Variants in SLC6A16 observed in about 807,000 individuals in gnomAD.
The protein encoded by SLC6A16 is solute carrier family 6 member 16.
A neutral mutation model predicts 65.4 loss-of-function variants in SLC6A16; 54 were observed. That is an observed-to-expected ratio of 0.83 (90% CI 0.66 to 1.04). The LOEUF is 1.04. Among genes scored for constraint, SLC6A16 ranks in the 50% least tolerant of loss-of-function variants. The pLI, the probability that SLC6A16 is intolerant of heterozygous loss-of-function variation, is 0.00. For missense variants in SLC6A16, 816 were observed against 914.0 expected, an observed-to-expected ratio of 0.89 and a Z score of 1.38; for synonymous variants, 330 against 346.5, an observed-to-expected ratio of 0.95 and a Z score of 0.53.
chr19:49,290,864 G>T, intron 10 of SLC6A16, 97 bp from the exon 11 acceptor site: 1 of 988,610 alleles, frequency 1.0e-6, no homozygotes, highest in Non-Finnish European at 1.5e-6. Context: ...ACATTCTATT[G>T]TATCTCTAAT....
rs764508199 is a variant in SLC6A16 at position 49,310,923 on chromosome 19, C to T, written c.415+10G>A. 2 of 1,603,172 alleles carry T rather than the reference C, an allele frequency of 1.2e-6. No homozygotes were observed. Among genetic ancestry groups the T allele is most frequent in the East Asian group, 2.2e-5 (1 of 44,822 alleles). ...CTTGTGGACCCAGGTTTCCTGGTCC[C>T]CAGACTTACAGCCTCCACTGTTAAG... On this transcript the variant is annotated intron_variant, in intron 2 of 11. Transcript: ENST00000335875.
At position 49,310,648 on chromosome 19, in the gene SLC6A16, C is replaced by T. The variant is rs1970501720; in HGVS notation, c.416-138G>A. ...CATCAGGGCTCACCCATGTCTACAT[C>T]CCTCACGGTCCCAAGTGTCCAGTCC... On this transcript the variant is annotated intron_variant, in intron 2 of 11. Coordinates refer to ENST00000335875, the MANE Select transcript of SLC6A16 (RefSeq NM_014037.3). 2.1e-5 allele frequency: 19 copies of T among 911,760 alleles called. No individual in the cohort carries two copies. In the South Asian group the frequency reaches 2.7e-4, roughly 13 times the overall value. 56.5% of individuals were successfully genotyped at this position (911,760 alleles called of 1,614,324 possible). A position where few individuals can be genotyped will look rare whatever the true frequency, so the allele number is the denominator to read the frequency against.
chr19:49,331,915 C>T, the SLC6A16 span: 2 of 454,738 alleles, frequency 4.4e-6, no homozygotes, highest in Non-Finnish European at 8.8e-6. Flanking sequence ...ACCTACCCTT[C>T]GACTTCTGGT....
In SLC6A16 at chr19:49,292,227, C is replaced by G. The variant is rs1324988925; in HGVS notation, c.1778+996G>C. 6.6e-6 allele frequency among the ~76,000 whole-genome samples: 1 copy of G among 151,954 alleles called. No individual in the cohort carries two copies. Among genetic ancestry groups the G allele is most frequent in the Non-Finnish European group, 1.5e-5 (1 of 68,008 alleles). On this transcript the variant is annotated intron_variant, in intron 10 of 11. Coordinates refer to ENST00000335875, the MANE Select transcript of SLC6A16 (RefSeq NM_014037.3). This position sits in a 1 kb window ranked among gnomAD's most constrained non-coding sequence, Gnocchi z 4.3. ...ACTAAGAATACAAAAATTAGCCGGGCGTGGTGGTGAATGCCTGTAATCCCA... is the reference window on the plus strand; with the variant it reads ...ACTAAGAATACAAAAATTAGCCGGGGGTGGTGGTGAATGCCTGTAATCCCA...
upstream of SLC6A16, among the ~76,000 whole-genome samples, chr19:49,328,169 G>C (rs190430257): frequency 5.3e-5 from 8 of 152,206 alleles, 1 homozygote; most frequent in East Asian, 1.5e-3. Flanking sequence ...GGTAATTTAC[G>C]AAGAAAAGAG....
intron 7 of SLC6A16, among the ~76,000 whole-genome samples, chr19:49,304,985 G>GAT (rs1970355568): frequency 6.6e-6 from 1 of 152,216 alleles, no homozygotes; most frequent in Admixed American, 6.5e-5. Flanking sequence ...TGAAGTTGTA[G>GAT]ATATATGTGG....
chr19:49,301,243 C>A (rs776072946), intron 7 of SLC6A16, among the ~76,000 whole-genome samples: 1 of 152,148 alleles, frequency 6.6e-6, no homozygotes, highest in Admixed American at 6.5e-5. Flanking sequence ...AATTCCCTGG[C>A]TCGCATAACC....
chr19:49,327,372 G>A (rs1351826971), upstream of SLC6A16, among the ~76,000 whole-genome samples: 1 of 152,228 alleles, frequency 6.6e-6, no homozygotes, highest in Non-Finnish European at 1.5e-5. Context: ...ACAGGCGTGA[G>A]CCACTGCGCC....
rs76094011 is a variant in SLC6A16 at position 49,317,782 on chromosome 19, G to C, written c.-64-6371C>G. ...GATCGCACCACTGCACTCCAGCCAG[G>C]GCAACACAGCGAGACTCCGTCTCAA... On this transcript the variant is annotated intron_variant, in intron 1 of 11. Coordinates refer to ENST00000335875, the MANE Select transcript of SLC6A16 (RefSeq NM_014037.3). Among the ~76,000 whole-genome samples, 365 of 151,950 alleles carry C rather than the reference G, an allele frequency of 2.4e-3. 9 individuals carry two copies. In the East Asian group the frequency reaches 0.065, roughly 27 times the overall value.
chr19:49,332,122 G>A, the SLC6A16 span: 3 of 456,518 alleles, frequency 6.6e-6, no homozygotes, highest in African/African-American at 6.0e-5. Flanking sequence ...GAGGCTCTGA[G>A]AGAAAATCAG....
intron 1 of SLC6A16, among the ~76,000 whole-genome samples, chr19:49,320,782 A>G (rs985622659): frequency 6.6e-6 from 1 of 152,180 alleles, no homozygotes; most frequent in African/African-American, 2.4e-5. Flanking sequence ...AAATGGACAA[A>G]TTCCTAGAAA....
intron 1 of SLC6A16, 59 bp from the exon 2 acceptor site, chr19:49,311,470 C>T: frequency 9.3e-7 from 1 of 1,080,878 alleles, no homozygotes; most frequent in Non-Finnish European, 1.3e-6. Flanking sequence ...TACTGAGTTA[C>T]AAAACAATCC....
Position 49,290,626 on chromosome 19 carries a change from G to C in SLC6A16, c.1920C>G (p.Tyr640Ter), listed in dbSNP as rs372217840. ...MVHLCMKPIT[Y>*]MSWDSSTSKE... ...TCACGGTGCTTGAGTCCCAGGACAT[G>C]TAGGTGATCGGCTTCATACAAAGAT... The change falls in exon 11 of 12, where the codon TAC becomes TAG. Residue 640 changes from tyrosine (Y) to a stop codon, truncating the protein, a stop_gained. Transcript: ENST00000335875. LOFTEE classifies it high-confidence loss of function. The C allele has an allele frequency of 1.2e-6, 2 of 1,614,058 alleles. No homozygotes were observed. The highest frequency in any genetic ancestry group is 1.7e-6 in the Non-Finnish European group (2 of 1,180,034).
the SLC6A16 span, chr19:49,336,722 G>A: frequency 4.3e-5 from 25 of 586,000 alleles, no homozygotes; most frequent in East Asian, 1.5e-4. Context: ...ATCCAGGGAC[G>A]GGAAACAGGC....
chr19:49,335,724 G>A, the SLC6A16 span: 9 of 1,613,962 alleles, frequency 5.6e-6, no homozygotes, highest in Non-Finnish European at 7.6e-6. This position sits in a 1 kb window ranked among gnomAD's most constrained non-coding sequence, Gnocchi z 4.6. Flanking sequence ...GTCCTCGGCA[G>A]CCTGATCTTC....
In SLC6A16 at chr19:49,311,315, C is replaced by A. The variant is rs773747860; in HGVS notation, c.33G>T (p.Leu11Phe). The part of the protein sequence containing the change: MKTEAQPSTS[L>F]LANTSWTGTV... ...TGCCAGTCCATGAGGTGTTTGCCAG[C>A]AAGGATGTCGAAGGCTGGGCCTCTG... The change falls in exon 2 of 12, where the codon TTG (leucine) becomes TTT (phenylalanine). Residue 11 changes from leucine to phenylalanine, a missense_variant. By Grantham distance (22) the Leu-to-Phe change is conservative (BLOSUM62 0). Coordinates refer to ENST00000335875, the MANE Select transcript of SLC6A16 (RefSeq NM_014037.3). The A allele has an allele frequency of 1.3e-6, 2 of 1,599,318 alleles. No homozygotes were observed. The highest frequency in any genetic ancestry group is 1.7e-6 in the Non-Finnish European group (2 of 1,173,336).
the SLC6A16 span, chr19:49,339,744 G>C: frequency 1.4e-6 from 2 of 1,383,280 alleles, no homozygotes; most frequent in Non-Finnish European, 9.3e-7. This position sits in a 1 kb window ranked among gnomAD's most constrained non-coding sequence, Gnocchi z 4.5. Context: ...CTGGGGATTC[G>C]AGCCCCGGGC....
chr19:49,305,557 G>A (rs1378268644), intron 7 of SLC6A16, among the ~76,000 whole-genome samples: 8 of 144,586 alleles, frequency 5.5e-5, no homozygotes, highest in Admixed American at 7.3e-5. Flanking sequence ...GCACCATTAC[G>A]CTCCAGCCTG....
At position 49,294,356 on chromosome 19, in the gene SLC6A16, T is replaced by C; in HGVS notation, c.1416+11A>G. ...GAACTCTAGGCTCCCCCCTCAGCTA[T>C]GTTTACTGACCTTAAGAAACTGAGT... On this transcript the variant is annotated intron_variant, in intron 8 of 11. Coordinates refer to ENST00000335875, the MANE Select transcript of SLC6A16 (RefSeq NM_014037.3). The C allele has an allele frequency of 6.2e-7, 1 of 1,613,266 alleles. No homozygotes were observed. The highest frequency in any genetic ancestry group is 8.5e-7 in the Non-Finnish European group (1 of 1,179,548).
Sources: gnomAD v4.1 joint callset for allele counts (sites outside exome capture counted in the v4.1 genomes callset) on GRCh38, gnomAD v4.1.1 for gene constraint, Gnocchi (gnomAD v3.1) non-coding constraint, MANE v1.5 for transcripts, NCBI Gene and HGNC (gene_info 2026-07-23, HGNC 2026-07-21) for gene names.